The following CTNND2 variants were observed in gnomAD, a reference collection of about 807,000 sequenced individuals.
CTNND2 encodes the protein catenin delta-2.
CTNND2 carries 22 observed loss-of-function variants against 144.4 expected under a neutral mutation model. That is an observed-to-expected ratio of 0.15 (90% confidence interval 0.11 to 0.22). The LOEUF is 0.22. Among genes scored for constraint, CTNND2 ranks in the 10% least tolerant of loss-of-function variants. The probability of loss-of-function intolerance (pLI) is 1.00; values close to 1 mark genes in which losing one functional copy is unlikely to be tolerated. For missense variants in CTNND2, 1,353 were observed against 1,618.8 expected (o/e 0.84, Z 2.82); for synonymous variants, 751 against 695.6 (o/e 1.08, Z -1.25).
At chr5:11,102,857 C>T (rs945212638) in intron 14 of CTNND2, among the ~76,000 whole-genome samples, 2 of 151,132 alleles carry the variant, frequency 1.3e-5, no homozygotes, top group Non-Finnish European at 2.9e-5. Flanking sequence ...ATAACATATG[C>T]GTGGGGCTGT....
intron 1 of CTNND2, among the ~76,000 whole-genome samples, chr5:11,839,443 T>A (rs963282002): frequency 6.9e-6 from 1 of 145,476 alleles, no homozygotes; most frequent in Admixed American, 6.7e-5. Context: ...CAATGACAAT[T>A]TTTTTTTTAA....
At chr5:11,501,835 C>T (rs536269658) in intron 3 of CTNND2, among the ~76,000 whole-genome samples, 1 of 146,718 alleles carries the variant, frequency 6.8e-6, no homozygotes, top group African/African-American at 2.7e-5. Flanking sequence ...GGTGAAATCC[C>T]GGCTAACATG....
At chr5:11,174,877 C>T (rs931326450) in intron 11 of CTNND2, among the ~76,000 whole-genome samples, 37 of 152,186 alleles carry the variant, frequency 2.4e-4, no homozygotes, top group African/African-American at 8.9e-4. Flanking sequence ...GACAATCTTG[C>T]TTATTTAAAT....
chr5:11,559,658 G>A (rs1776528783), intron 3 of CTNND2, among the ~76,000 whole-genome samples: 1 of 152,156 alleles, frequency 6.6e-6, no homozygotes, highest in African/African-American at 2.4e-5. Context: ...CCTTCCAGGA[G>A]TAGCTGGAGG....
chr5:11,599,479 G>GT (rs1384626184), intron 2 of CTNND2, among the ~76,000 whole-genome samples: 2 of 152,080 alleles, frequency 1.3e-5, no homozygotes, highest in Non-Finnish European at 2.9e-5. Flanking sequence ...TTTTGAAAAA[G>GT]TAACTCCTTT....
chr5:11,807,367 C>T (rs1317971437), intron 1 of CTNND2, among the ~76,000 whole-genome samples: 2 of 152,164 alleles, frequency 1.3e-5, no homozygotes, highest in African/African-American at 2.4e-5. Context: ...ACCATCCCTA[C>T]TACCTTCTGC....
At chr5:11,112,393 C>T (rs550853339) in intron 13 of CTNND2, among the ~76,000 whole-genome samples, 14 of 152,144 alleles carry the variant, frequency 9.2e-5, no homozygotes, top group South Asian at 2.1e-4. Flanking sequence ...GGCCACAAGC[C>T]GAGGTATGTG....
intron 3 of CTNND2, among the ~76,000 whole-genome samples, chr5:11,477,821 T>C (rs1277085724): frequency 6.6e-6 from 1 of 152,204 alleles, no homozygotes; most frequent in Non-Finnish European, 1.5e-5. Context: ...CATCCATGTT[T>C]CCTTAGAAAA....
intron 2 of CTNND2, among the ~76,000 whole-genome samples, chr5:11,626,057 A>G (rs116460099): frequency 0.011 from 1,744 of 152,268 alleles, 28 homozygotes; most frequent in African/African-American, 0.041. Flanking sequence ...ACTGAATATA[A>G]AATAGTAGGT....
chr5:11,446,760 G>A (rs367714082), intron 3 of CTNND2, among the ~76,000 whole-genome samples: 1 of 152,126 alleles, frequency 6.6e-6, no homozygotes, highest in Admixed American at 6.5e-5. Flanking sequence ...CCCCTGCAGA[G>A]AGAAGATGAG....
At chr5:11,110,314 A>G (rs1023110802) in intron 14 of CTNND2, among the ~76,000 whole-genome samples, 3 of 152,152 alleles carry the variant, frequency 2.0e-5, no homozygotes, top group Admixed American at 6.5e-5. Context: ...ATTCACCTGA[A>G]TTGTTCCCCA....
At chr5:11,039,886 A>AC (rs1306074394) in intron 16 of CTNND2, among the ~76,000 whole-genome samples, 3 of 152,148 alleles carry the variant, frequency 2.0e-5, no homozygotes, top group African/African-American at 7.2e-5. Context: ...ACATGACGAA[A>AC]CCCCATCTCT....
At chr5:11,573,649 T>C (rs1394177350) in intron 2 of CTNND2, among the ~76,000 whole-genome samples, 1 of 152,144 alleles carries the variant, frequency 6.6e-6, no homozygotes, top group Non-Finnish European at 1.5e-5. Flanking sequence ...GAGCTGTCTG[T>C]GAAAGTTTAC....
chr5:11,798,761 G>A lies in CTNND2; in HGVS notation c.38-66489C>T, dbSNP rs183106559. Among the ~76,000 whole-genome samples, 5 of 152,106 alleles carry A rather than the reference G, an allele frequency of 3.3e-5. No homozygotes were observed. The East Asian group carries it at 5.8e-4, about 18-fold the overall frequency. On this transcript the variant is annotated intron_variant, in intron 1 of 21. Transcript: ENST00000304623. ...TAGCCTGGGGACAGAGTGAGACTCC[G>A]TCTCCAAACAAAAAAAGGAGGATTT...
At chr5:11,385,444 A>C (rs1192173083) in intron 6 of CTNND2, among the ~76,000 whole-genome samples, 1 of 152,160 alleles carries the variant, frequency 6.6e-6, no homozygotes, top group East Asian at 1.9e-4. Context: ...AGGCCAGCTG[A>C]CTACTGGAGG....
At chr5:11,400,423 G>A (rs992084904) in intron 5 of CTNND2, among the ~76,000 whole-genome samples, 3 of 152,140 alleles carry the variant, frequency 2.0e-5, no homozygotes, top group Non-Finnish European at 4.4e-5. Flanking sequence ...GCTGACCTGA[G>A]GGGTCACAGT....
intron 1 of CTNND2, among the ~76,000 whole-genome samples, chr5:11,811,939 A>G (rs1792357117): frequency 6.6e-6 from 1 of 152,232 alleles, no homozygotes; most frequent in Non-Finnish European, 1.5e-5. Context: ...TTAAAAAATC[A>G]TTATTAAAAT....
At chr5:11,093,105 TTCTG>T (rs1750945973) in intron 15 of CTNND2, among the ~76,000 whole-genome samples, 1 of 152,242 alleles carries the variant, frequency 6.6e-6, no homozygotes, top group Non-Finnish European at 1.5e-5. Context: ...TCTCTCTTTG[TTCTG>T]TCTTATTTTT....
At chr5:11,219,758 A>G (rs1376610900) in intron 10 of CTNND2, among the ~76,000 whole-genome samples, 5 of 152,238 alleles carry the variant, frequency 3.3e-5, no homozygotes, top group African/African-American at 1.2e-4. Context: ...AAGCTGAAAA[A>G]GTCAAAGGAT....
Sources: allele counts gnomAD v4.1 joint callset (sites outside exome capture counted in the v4.1 genomes callset), GRCh38; gene constraint gnomAD v4.1.1; transcripts MANE v1.5; gene names NCBI Gene and HGNC (gene_info 2026-07-23, HGNC 2026-07-21).